The following RHCE variants were observed in gnomAD, a reference collection of about 807,000 sequenced individuals.
RHCE encodes blood group Rh(CE) polypeptide.
Under a neutral mutation model 43.8 loss-of-function variants are expected in RHCE, and 22 were observed. The observed-to-expected ratio is 0.50, with a 90% CI of 0.36 to 0.72. The LOEUF is 0.72. Among genes scored for constraint, RHCE ranks in the 30% least tolerant of loss-of-function variants. The pLI is 0.00. For synonymous variants in RHCE, 156 were observed against 210.7 expected, an observed-to-expected ratio of 0.74 and a Z score of 2.25; for missense variants, 385 against 525.4, an observed-to-expected ratio of 0.73 and a Z score of 2.61.
At chr1:25,410,046 A>G (rs148682027) in intron 1 of RHCE, among the ~76,000 whole-genome samples, 2,823 of 151,886 alleles carry the variant, frequency 0.019, 41 homozygotes, top group Non-Finnish European at 0.03. Context: ...ACAGGTGCCC[A>G]CCACCGTGCC....
intron 2 of RHCE, among the ~76,000 whole-genome samples, chr1:25,403,144 C>T (rs1219786559): frequency 1.3e-5 from 2 of 152,034 alleles, no homozygotes; most frequent in Non-Finnish European, 1.5e-5. Context: ...GCACTCTTCC[C>T]CCGCAGGCCT....
chr1:25,421,284 G>T (rs2042756519), upstream of RHCE, among the ~76,000 whole-genome samples: 1 of 152,198 alleles, frequency 6.6e-6, no homozygotes, highest in Admixed American at 6.5e-5. Flanking sequence ...GAGAATGAAT[G>T]AAAGCAAAGA....
At chr1:25,402,210 A>ATCTATCTATCTG (rs1646774739) in intron 3 of RHCE, among the ~76,000 whole-genome samples, 1 of 74,210 alleles carries the variant, frequency 1.3e-5, no homozygotes. Context: ...CTGTCTGTCT[A>ATCTATCTATCTG]TCTATCTATC....
At chr1:25,385,539 T>G in intron 7 of RHCE, 172 bp downstream of exon 7, 1 of 1,024,270 alleles carries the variant, frequency 9.8e-7, no homozygotes, top group South Asian at 1.3e-5. Flanking sequence ...GATAAATCCA[T>G]CCAAGGTAGG....
chr1:25,379,045 A>G (rs1320602103), intron 7 of RHCE, among the ~76,000 whole-genome samples: 1 of 152,190 alleles, frequency 6.6e-6, no homozygotes, highest in East Asian at 1.9e-4. Flanking sequence ...TTCTGTTGCT[A>G]TAACAGAATA....
chr1:25,386,296 T>C (rs1646157803), intron 6 of RHCE, among the ~76,000 whole-genome samples: 1 of 152,200 alleles, frequency 6.6e-6, no homozygotes, highest in African/African-American at 2.4e-5. Context: ...CATTGTCAGA[T>C]GTCCCCTGGG....
At chr1:25,418,650 G>A (rs1220622644) in intron 1 of RHCE, among the ~76,000 whole-genome samples, 1 of 152,244 alleles carries the variant, frequency 6.6e-6, no homozygotes, top group Non-Finnish European at 1.5e-5. Flanking sequence ...TTAAGCCCAA[G>A]CTCAGTCTGC....
intron 1 of RHCE, among the ~76,000 whole-genome samples, chr1:25,412,383 A>C (rs1426494075): frequency 6.6e-6 from 1 of 152,080 alleles, no homozygotes; most frequent in African/African-American, 2.4e-5. Context: ...GGGAGAGGAG[A>C]GTTGCCTGGA....
At chr1:25,410,790 G>C (rs1254370821) in intron 1 of RHCE, among the ~76,000 whole-genome samples, 1 of 152,060 alleles carries the variant, frequency 6.6e-6, no homozygotes, top group Non-Finnish European at 1.5e-5. Context: ...TTTCCTATTA[G>C]ATTAAACCTC....
chr1:25,377,223 CA>C (rs1338656389), intron 7 of RHCE, among the ~76,000 whole-genome samples: 2 of 151,962 alleles, frequency 1.3e-5, no homozygotes, highest in African/African-American at 4.8e-5. Context: ...GAAAAAAATT[CA>C]GGGGGACATA....
At chr1:25,401,826 T>C (rs1176617867) in intron 3 of RHCE, among the ~76,000 whole-genome samples, 1 of 152,198 alleles carries the variant, frequency 6.6e-6, no homozygotes, top group African/African-American at 2.4e-5. Context: ...GACCACACTT[T>C]TGTAACCTCA....
chr1:25,425,360 G>A (rs28636458), upstream of RHCE, among the ~76,000 whole-genome samples: 7,032 of 152,236 alleles, frequency 0.046, 502 homozygotes, highest in African/African-American at 0.16. Context: ...GCATCATTAC[G>A]CTTACAAAAG....
chr1:25,408,878 T>C lies in RHCE; in HGVS notation c.149-9A>G. The C allele has an allele frequency of 3.9e-6, 5 of 1,281,472 alleles. 1 individual carries two copies. Among genetic ancestry groups the C allele is most frequent in the Non-Finnish European group, 5.2e-6 (5 of 961,782 alleles). The allele number at this position is 1,281,472 out of a possible 1,614,324, so 79.4% of individuals were successfully genotyped here. A position where few individuals can be genotyped will look rare whatever the true frequency, so the allele number is the denominator to read the frequency against. On this transcript the variant is annotated splice_polypyrimidine_tract_variant and intron_variant, in intron 1 of 9. Coordinates refer to ENST00000294413, the MANE Select transcript of RHCE (RefSeq NM_020485.8). ...GGTCAGATCTTGGCCGACTGCTCGG[T>C]GGGGAGATGGTGAGAAGGAGGAGGG...
chr1:25,370,069 A>G (rs1196809533), intron 9 of RHCE, among the ~76,000 whole-genome samples: 2 of 150,902 alleles, frequency 1.3e-5, no homozygotes, highest in Non-Finnish European at 2.9e-5. Flanking sequence ...TCATGTCTCC[A>G]CTCTTAGCAT....
chr1:25,374,286 A>C (rs1465635743), intron 8 of RHCE, among the ~76,000 whole-genome samples: 1 of 151,070 alleles, frequency 6.6e-6, no homozygotes, highest in Non-Finnish European at 1.5e-5. Flanking sequence ...ACAGGGTTTC[A>C]CCATGTTGGC....
At chr1:25,395,907 C>T (rs1209465996) in intron 3 of RHCE, among the ~76,000 whole-genome samples, 1 of 151,276 alleles carries the variant, frequency 6.6e-6, no homozygotes, top group Non-Finnish European at 1.5e-5. Context: ...GGATGATCAA[C>T]AGGATTTCTA....
intron 3 of RHCE, among the ~76,000 whole-genome samples, chr1:25,401,309 G>C (rs1162787615): frequency 2.0e-5 from 3 of 152,136 alleles, no homozygotes; most frequent in East Asian, 3.8e-4. Flanking sequence ...AAATTGCCCA[G>C]AGTCACACAG....
chr1:25,425,585 G>A (rs899491160), upstream of RHCE, among the ~76,000 whole-genome samples: 9 of 152,186 alleles, frequency 5.9e-5, no homozygotes, highest in South Asian at 2.1e-4. Context: ...TATTACAAAC[G>A]TGAAAATTTG....
At chr1:25,429,319 A>T (rs1463336238) in intron 1 of RHCE, among the ~76,000 whole-genome samples, 1 of 148,112 alleles carries the variant, frequency 6.8e-6, no homozygotes, top group African/African-American at 2.5e-5. Flanking sequence ...TGCCCAGCTA[A>T]TTTTTTGTAT....
Sources: gnomAD v4.1 joint callset for allele counts (sites outside exome capture counted in the v4.1 genomes callset) on GRCh38, gnomAD v4.1.1 for gene constraint, MANE v1.5 for transcripts, NCBI Gene and HGNC (gene_info 2026-07-23, HGNC 2026-07-21) for gene names.